The following MAD1L1 variants were observed in gnomAD, a reference collection of about 807,000 sequenced individuals.
MAD1L1 encodes the protein mitotic arrest deficient 1 like 1, also known as mitotic spindle assembly checkpoint protein MAD1.
A neutral mutation model predicts 96.9 loss-of-function variants in MAD1L1; 95 were observed. That is an observed-to-expected ratio of 0.98 (90% confidence interval 0.83 to 1.16). The LOEUF is 1.16. MAD1L1 is among the 50% of genes most tolerant of loss of function. The probability of loss-of-function intolerance (pLI) is 0.00; values close to 1 mark genes in which losing one functional copy is unlikely to be tolerated. For synonymous variants in MAD1L1, 473 were observed against 396.6 expected (o/e 1.19, Z -2.29); for missense variants, 1,007 against 954.4 (o/e 1.06, Z -0.73).
At position 2,219,412 on chromosome 7, in the gene MAD1L1, G is replaced by A. The variant is rs1020126615; in HGVS notation, c.516C>T (p.Ser172=). ...LKGRISELQW[S]VMDQEMRVKR... The stretch of plus-strand genomic sequence containing the variant: ...TCACCCGCATCTCCTGGTCCATCAC[G>A]CTCCACTGCAGTTCCGAGATCCTCC... Residue 172 remains serine, a synonymous_variant, in exon 6 of 19, where the codon AGC becomes AGT. Transcript: ENST00000265854. 10 of 1,612,964 alleles carry A rather than the reference G, an allele frequency of 6.2e-6. No homozygotes were observed. Among genetic ancestry groups the A allele is most frequent in the South Asian group, 2.2e-5 (2 of 90,724 alleles).
intron 12 of MAD1L1, among the ~76,000 whole-genome samples, chr7:2,022,190 C>G (rs902264268): frequency 2.0e-5 from 3 of 152,090 alleles, no homozygotes; most frequent in Admixed American, 1.3e-4. Context: ...TGTGGGGTGA[C>G]GATGGTGCAG....
chr7:2,225,650 C>G, intron 3 of MAD1L1, 100 bp from the exon 4 acceptor site: 1 of 1,298,330 alleles, frequency 7.7e-7, no homozygotes, highest in Non-Finnish European at 1.1e-6. Context: ...GGACCCATTC[C>G]CGCAGGTCCC....
At chr7:1,882,548 G>T (rs1422328738) in intron 18 of MAD1L1, among the ~76,000 whole-genome samples, 2 of 152,204 alleles carry the variant, frequency 1.3e-5, no homozygotes, top group African/African-American at 4.8e-5. Context: ...GACTGCTGGG[G>T]TGGCCTTGTC....
intron 18 of MAD1L1, among the ~76,000 whole-genome samples, chr7:1,877,390 T>C (rs1017041250): frequency 6.6e-6 from 1 of 150,830 alleles, no homozygotes; most frequent in African/African-American, 2.4e-5. Flanking sequence ...CCTAGAGCAA[T>C]AACTAAACCA....
intron 18 of MAD1L1, among the ~76,000 whole-genome samples, chr7:1,842,557 T>C (rs1783330577): frequency 6.6e-6 from 1 of 152,244 alleles, no homozygotes; most frequent in African/African-American, 2.4e-5. Flanking sequence ...CCCAGGCCTG[T>C]CCCAGGCGAG....
intron 10 of MAD1L1, among the ~76,000 whole-genome samples, chr7:2,197,232 T>C (rs990617880): frequency 6.6e-6 from 1 of 152,154 alleles, no homozygotes; most frequent in Non-Finnish European, 1.5e-5. Flanking sequence ...ACCCACCCTA[T>C]CTGGAACATG....
At chr7:1,877,501 G>T (rs986671084) in intron 18 of MAD1L1, among the ~76,000 whole-genome samples, 2 of 151,490 alleles carry the variant, frequency 1.3e-5, no homozygotes, top group Admixed American at 1.3e-4. Flanking sequence ...ATGAAAAAAA[G>T]AATATACGAG....
At chr7:1,868,819 G>C (rs757246533) in intron 18 of MAD1L1, among the ~76,000 whole-genome samples, 1 of 152,196 alleles carries the variant, frequency 6.6e-6, no homozygotes, top group Non-Finnish European at 1.5e-5. Flanking sequence ...AGGAGCTGAA[G>C]GTGTGACCTC....
At chr7:2,113,238 G>A (rs62442997) in intron 11 of MAD1L1, among the ~76,000 whole-genome samples, 9 of 152,370 alleles carry the variant, frequency 5.9e-5, no homozygotes, top group South Asian at 2.1e-4. Context: ...GACAAGCCCC[G>A]CAGCTGAGAT....
chr7:2,160,663 C>T (rs1408293961), intron 10 of MAD1L1, among the ~76,000 whole-genome samples: 3 of 151,908 alleles, frequency 2.0e-5, no homozygotes, highest in Non-Finnish European at 2.9e-5. Flanking sequence ...GACAGAGGCT[C>T]GCTCTGTCGC....
At chr7:2,115,391 C>T (rs1032752299) in intron 11 of MAD1L1, among the ~76,000 whole-genome samples, 7 of 148,798 alleles carry the variant, frequency 4.7e-5, no homozygotes, top group South Asian at 2.2e-4. Context: ...TCAGAGGAGG[C>T]GGTGGACAGG....
chr7:1,880,226 T>C (rs535064376), intron 18 of MAD1L1, among the ~76,000 whole-genome samples: 97 of 152,266 alleles, frequency 6.4e-4, no homozygotes, highest in African/African-American at 2.2e-3. Context: ...ATGACATCCA[T>C]GTTTCCTGGG....
At chr7:2,133,844 T>C (rs1788629786) in intron 11 of MAD1L1, among the ~76,000 whole-genome samples, 1 of 152,186 alleles carries the variant, frequency 6.6e-6, no homozygotes, top group Admixed American at 6.5e-5. Context: ...ATCAGCCGAG[T>C]ATATCTGTGT....
chr7:1,822,236 G>A (rs1451776405), intron 18 of MAD1L1, among the ~76,000 whole-genome samples: 3 of 151,854 alleles, frequency 2.0e-5, no homozygotes, highest in Admixed American at 6.6e-5. Flanking sequence ...TTAAATACTC[G>A]GGTATACATC....
At chr7:2,187,890 G>T (rs1258702650) in intron 10 of MAD1L1, among the ~76,000 whole-genome samples, 1 of 152,262 alleles carries the variant, frequency 6.6e-6, no homozygotes, top group East Asian at 1.9e-4. Flanking sequence ...TCATTTGAAA[G>T]AATACAACCA....
chr7:2,185,741 G>A (rs554241283), intron 10 of MAD1L1, among the ~76,000 whole-genome samples: 4 of 152,270 alleles, frequency 2.6e-5, no homozygotes, highest in South Asian at 2.1e-4. Flanking sequence ...TGGAAAAGGT[G>A]AGAACGTGAC....
intron 16 of MAD1L1, among the ~76,000 whole-genome samples, chr7:1,948,121 T>C (rs1779315289): frequency 6.6e-6 from 1 of 152,012 alleles, no homozygotes; most frequent in Admixed American, 6.5e-5. Flanking sequence ...CCGGGCCTCA[T>C]CTGGGGCACC....
intron 12 of MAD1L1, among the ~76,000 whole-genome samples, chr7:2,033,927 C>T (rs555423662): frequency 6.6e-6 from 1 of 152,134 alleles, no homozygotes; most frequent in South Asian, 2.1e-4. Context: ...CCCATCTCTA[C>T]AAAAAAAATT....
At chr7:1,950,257 G>C (rs567227908) in intron 16 of MAD1L1, among the ~76,000 whole-genome samples, 1 of 152,182 alleles carries the variant, frequency 6.6e-6, no homozygotes, top group Non-Finnish European at 1.5e-5. Context: ...ACCCAGCGGC[G>C]AGAATGGTCA....
Sources: allele counts gnomAD v4.1 joint callset (sites outside exome capture counted in the v4.1 genomes callset), GRCh38; gene constraint gnomAD v4.1.1; transcripts MANE v1.5; gene names NCBI Gene and HGNC (gene_info 2026-07-23, HGNC 2026-07-21).